Variants in NLRP1 observed in about 807,000 individuals in gnomAD.
NLRP1 encodes the protein NLR family pyrin domain containing 1, also known as NACHT, LRR and PYD domains-containing protein 1.
A neutral mutation model predicts 136.7 loss-of-function variants in NLRP1; 94 were observed. The ratio of observed to expected loss-of-function variants is 0.69; its 90% confidence interval spans 0.58 to 0.82. NLRP1 has a LOEUF of 0.82. Among genes scored for constraint, NLRP1 ranks in the 40% least tolerant of loss-of-function variants. The pLI, the probability that NLRP1 is intolerant of heterozygous loss-of-function variation, is 0.00. For missense variants in NLRP1, 1,575 were observed against 1,802.7 expected, an observed-to-expected ratio of 0.87 and a Z score of 2.29; for synonymous variants, 690 against 725.1, an observed-to-expected ratio of 0.95 and a Z score of 0.78.
chr17:5,510,061 A>C (rs941615662), downstream of NLRP1, among the ~76,000 whole-genome samples: 4 of 138,416 alleles, frequency 2.9e-5, no homozygotes, highest in African/African-American at 1.1e-4. Flanking sequence ...TCTTTCTTCT[A>C]TTCTTCTTCT....
chr17:5,519,159 C>T (rs911134807), intron 14 of NLRP1, among the ~76,000 whole-genome samples: 2 of 151,930 alleles, frequency 1.3e-5, no homozygotes, highest in Non-Finnish European at 1.5e-5. Context: ...CCCACCACCA[C>T]GCTCGGCTAA....
At chr17:5,513,935 G>A (rs748227045), downstream of NLRP1, among the ~76,000 whole-genome samples, 8 of 152,098 alleles carry the variant, frequency 5.3e-5, no homozygotes, top group Non-Finnish European at 8.8e-5. Context: ...GACAGTTTAC[G>A]AACGCCATGG....
chr17:5,563,574 TA>T (rs768601528), intron 3 of NLRP1, among the ~76,000 whole-genome samples: 2 of 151,782 alleles, frequency 1.3e-5, no homozygotes, highest in Non-Finnish European at 2.9e-5. Context: ...CAGACAAAAA[TA>T]AAAAAGAATG....
chr17:5,518,875 G>A (rs1908494554), intron 14 of NLRP1, among the ~76,000 whole-genome samples: 1 of 142,992 alleles, frequency 7.0e-6, no homozygotes, highest in African/African-American at 2.6e-5. Flanking sequence ...GTCTTGCTCT[G>A]TTGACCAGGT....
chr17:5,562,293 C>T (rs1914847286), intron 3 of NLRP1, among the ~76,000 whole-genome samples: 1 of 152,246 alleles, frequency 6.6e-6, no homozygotes, highest in Non-Finnish European at 1.5e-5. Context: ...AATGCCCAAG[C>T]AGGGAAGAGC....
At chr17:5,538,954 C>T (rs191647824) in intron 7 of NLRP1, among the ~76,000 whole-genome samples, 1 of 152,162 alleles carries the variant, frequency 6.6e-6, no homozygotes, top group Non-Finnish European at 1.5e-5. Flanking sequence ...GATCTAAGCT[C>T]ACTGCAACCT....
intron 12 of NLRP1, among the ~76,000 whole-genome samples, chr17:5,527,604 C>T (rs112800460): frequency 2.6e-5 from 4 of 152,278 alleles, no homozygotes; most frequent in African/African-American, 7.2e-5. Flanking sequence ...ACTGTAGTGC[C>T]TAATTTCCCG....
rs145738340 is a variant in NLRP1, at chr17:5,541,922, C to A, written c.2634G>T (p.Thr878=). ...TELDLSFNVL[T]DAGAKHLCQR... ...GGCAAAGGTGTTTGGCTCCAGCATC[C>A]GTGAGCACATTGAAGCTCAGGTCCA... Residue 878 remains threonine, a synonymous_variant, in exon 6 of 17, where the codon ACG becomes ACT. Coordinates refer to ENST00000572272, the MANE Select transcript of NLRP1 (RefSeq NM_033004.4). This position sits in a 1 kb window ranked among gnomAD's most constrained non-coding sequence, Gnocchi z 4.2. 5 of 1,614,134 alleles carry A rather than the reference C, an allele frequency of 3.1e-6. No individual in the cohort carries two copies. The South Asian group carries it at 5.5e-5, about 18-fold the overall frequency.
At chr17:5,540,421 T>C (rs780532564) in intron 6 of NLRP1, among the ~76,000 whole-genome samples, 59 of 152,008 alleles carry the variant, frequency 3.9e-4, no homozygotes, top group Non-Finnish European at 7.2e-4. Context: ...GCTCTTGGGG[T>C]CTCAGCCCTG....
chr17:5,583,622 G>GAGGGC lies in NLRP1; in HGVS notation c.271+60_271+64dup. 6.7e-7 allele frequency: 1 copy of GAGGGC among 1,487,136 alleles called. No individual in the cohort carries two copies. The highest frequency in any genetic ancestry group is 9.1e-7 in the Non-Finnish European group (1 of 1,104,874). 92.1% of individuals were successfully genotyped at this position (1,487,136 alleles called of 1,614,324 possible). On this transcript the variant is annotated intron_variant, in intron 1 of 16. Transcript: ENST00000572272. The surrounding 1 kb of genome is among the most constrained non-coding windows in gnomAD (Gnocchi z 4.5). ...GGAGGGCTCAGTGGTGGGGTCCCAA[G>GAGGGC]AGGGCAGGGCAGGCATGAGGGCCAG...
At chr17:5,572,836 G>A (rs1326033161) in intron 3 of NLRP1, among the ~76,000 whole-genome samples, 5 of 152,166 alleles carry the variant, frequency 3.3e-5, no homozygotes, top group African/African-American at 1.2e-4. Context: ...GCAAATTGGG[G>A]TGGTTCCAAG....
intron 15 of NLRP1, among the ~76,000 whole-genome samples, chr17:5,516,530 A>G: frequency 6.6e-6 from 1 of 152,230 alleles, no homozygotes; most frequent in Non-Finnish European, 1.5e-5. Flanking sequence ...GACTGATAAG[A>G]GGCAGAGATT....
chr17:5,554,231 A>G (rs144008390), intron 4 of NLRP1, among the ~76,000 whole-genome samples: 51 of 152,190 alleles, frequency 3.4e-4, no homozygotes, highest in African/African-American at 1.2e-3. Context: ...CCTAGGAGAG[A>G]ATATTTGCAG....
intron 15 of NLRP1, among the ~76,000 whole-genome samples, chr17:5,516,189 AG>A (rs1468885664): frequency 6.6e-6 from 1 of 152,134 alleles, no homozygotes; most frequent in Non-Finnish European, 1.5e-5. Context: ...AGGTGGGCAC[AG>A]GGGAGGGAGT....
Position 5,581,859 on chromosome 17 carries a change from C to G in NLRP1, c.652G>C (p.Glu218Gln). The stretch of plus-strand genomic sequence containing the variant: ...CGCCAGGAGCTCAGTAGGGTCTCAC[C>G]TGTGTAGTAAATTCCTGACGTTTCA... ...LDETSGIYYT[E>Q]IREREREKSE... Residue 218 changes from glutamate (E) to glutamine (Q), a missense_variant and splice_region_variant, in exon 3 of 17, where the codon GAA becomes CAA. Coordinates refer to ENST00000572272, the MANE Select transcript of NLRP1 (RefSeq NM_033004.4). 6.2e-7 allele frequency: 1 copy of G among 1,611,266 alleles called. No individual in the cohort carries two copies. The highest frequency in any genetic ancestry group is 8.5e-7 in the Non-Finnish European group (1 of 1,178,954).
intron 5 of NLRP1, among the ~76,000 whole-genome samples, chr17:5,549,829 T>C (rs1304436318): frequency 6.6e-6 from 1 of 152,086 alleles, no homozygotes; most frequent in East Asian, 1.9e-4. Flanking sequence ...TAGCTGTGGG[T>C]TTTTTTACTG....
In NLRP1 at chr17:5,539,587, T is replaced by G. The variant is rs529437183; in HGVS notation, c.2700-2A>C. 2.5e-6 allele frequency: 4 copies of G among 1,607,576 alleles called. No individual in the cohort carries two copies. In the African/African-American group the frequency reaches 4.0e-5, roughly 16 times the overall value. On this transcript the variant is annotated splice_acceptor_variant, in intron 6 of 16. Coordinates refer to ENST00000572272, the MANE Select transcript of NLRP1 (RefSeq NM_033004.4). LOFTEE classifies it high-confidence loss of function. ...GACGTGAGGCCACAGCTGACCAGCC[T>G]GCAGGAAAGATACACGCCAGCCCAG...
At chr17:5,522,919 T>A (rs905480532) in intron 12 of NLRP1, among the ~76,000 whole-genome samples, 2 of 152,200 alleles carry the variant, frequency 1.3e-5, no homozygotes, top group Middle Eastern at 3.4e-3. Context: ...ACTCTTCTTT[T>A]TAGGAAGAGC....
chr17:5,523,594 G>A (rs1054401846), intron 12 of NLRP1, among the ~76,000 whole-genome samples: 1 of 152,146 alleles, frequency 6.6e-6, no homozygotes, highest in African/African-American at 2.4e-5. Context: ...TCTGACCAGC[G>A]CCAGGCAAGG....
Sources: allele counts gnomAD v4.1 joint callset (sites outside exome capture counted in the v4.1 genomes callset), GRCh38; gene constraint gnomAD v4.1.1; non-coding constraint Gnocchi (gnomAD v3.1); transcripts MANE v1.5; gene names NCBI Gene and HGNC (gene_info 2026-07-23, HGNC 2026-07-21).